Variants in SUN1 observed in about 807,000 individuals in gnomAD.
The protein encoded by SUN1 is Sad1 and UNC84 domain containing 1, also known as SUN domain-containing protein 1.
In SUN1, 61 loss-of-function variants were observed where a neutral mutation model predicts 103.2. That is an observed-to-expected ratio of 0.59 (90% CI 0.48 to 0.73). The LOEUF (loss-of-function observed/expected upper bound fraction) is 0.73. SUN1 is among the 30% of genes least tolerant of loss of function. The pLI, the probability that SUN1 is intolerant of heterozygous loss-of-function variation, is 0.00. For missense variants in SUN1, 1,052 were observed against 1,034.6 expected (o/e 1.02, Z -0.23); for synonymous variants, 490 against 425.7 (o/e 1.15, Z -1.86).
intron 11 of SUN1, 62 bp from the exon 12 acceptor site, chr7:856,296 G>A (rs376778862): frequency 2.5e-4 from 392 of 1,541,792 alleles, no homozygotes; most frequent in Non-Finnish European, 3.3e-4. Context: ...TAAGTATGTG[G>A]TTTTATGAAA....
At chr7:867,922 G>T (rs1327669135) in intron 16 of SUN1, among the ~76,000 whole-genome samples, 1 of 152,220 alleles carries the variant, frequency 6.6e-6, no homozygotes, top group Non-Finnish European at 1.5e-5. Flanking sequence ...CGGGCGTTTG[G>T]CTGCAACACC....
chr7:860,389 C>T lies in SUN1; in HGVS notation c.1779+7C>T, dbSNP rs775564962. Reference sequence around the variant, plus strand: ...GTCTGGAATAACAGAGGCGGTGAGTCGGCGAGTCGGCGGCAAGAGATGCTT... The same window carrying T: ...GTCTGGAATAACAGAGGCGGTGAGTTGGCGAGTCGGCGGCAAGAGATGCTT... On this transcript the variant is annotated splice_region_variant and intron_variant, in intron 14 of 18. Coordinates refer to ENST00000401592, the MANE Select transcript of SUN1 (RefSeq NM_001130965.3). 5.0e-6 allele frequency: 8 copies of T among 1,609,824 alleles called. No individual in the cohort carries two copies. Among genetic ancestry groups the T allele is most frequent in the Admixed American group, 3.3e-5 (2 of 59,962 alleles).
Position 856,268 on chromosome 7 carries a change from G to T in SUN1, c.1351-90G>T, listed in dbSNP as rs937961234. 1.2e-5 allele frequency: 16 copies of T among 1,373,050 alleles called. No homozygotes were observed. In the Admixed American group the frequency reaches 1.8e-4, roughly 15 times the overall value. 85.1% of individuals were successfully genotyped at this position (1,373,050 alleles called of 1,614,324 possible). On this transcript the variant is annotated intron_variant, in intron 11 of 18. Transcript: ENST00000401592. ...ACTTTGAATTAAAGGGGGTATTCCA[G>T]ATAAATCAATGGAGTTTTAAGTATG... is the stretch of plus-strand genomic sequence containing the variant.
chr7:841,334 C>T (rs1436258800), intron 2 of SUN1, among the ~76,000 whole-genome samples: 1 of 147,540 alleles, frequency 6.8e-6, no homozygotes, highest in Non-Finnish European at 1.5e-5. Flanking sequence ...ACCTCTGTCT[C>T]CCAGGTTCAC....
intron 15 of SUN1, among the ~76,000 whole-genome samples, chr7:863,910 C>A (rs1399528490): frequency 6.6e-6 from 1 of 152,050 alleles, no homozygotes; most frequent in Non-Finnish European, 1.5e-5. Context: ...TCTTAACACT[C>A]AATTTGAGAA....
At chr7:851,764 C>G in intron 6 of SUN1, 186 bp from the exon 7 acceptor site, 1 of 641,146 alleles carries the variant, frequency 1.6e-6, no homozygotes, top group Non-Finnish European at 2.7e-6. Context: ...GCATTCTGTC[C>G]TGTGTGTTCA....
In SUN1 at chr7:854,783, C is replaced by G; in HGVS notation, c.1264-137C>G. The stretch of plus-strand genomic sequence containing the variant: ...GGATATTGTTATGAAGCGGATTATT[C>G]CTTTAGGGTCCGTGCCACATTGCGA... On this transcript the variant is annotated intron_variant, in intron 10 of 18. Transcript: ENST00000401592. 3 of 605,330 alleles carry G rather than the reference C, an allele frequency of 5.0e-6. No homozygotes were observed. In the South Asian group the frequency reaches 6.5e-5, roughly 13 times the overall value. The allele number at this position is 605,330 out of a possible 1,614,324, so 37.5% of individuals were successfully genotyped here.
At chr7:849,876 T>C (rs752927235) in intron 5 of SUN1, 19 of 1,558,236 alleles carry the variant, frequency 1.2e-5, no homozygotes, top group Non-Finnish European at 1.7e-5. Flanking sequence ...ATGGACAGAG[T>C]TTGCTTGTGA....
At chr7:861,499 TG>T (rs747386267) in intron 15 of SUN1, 35 bp downstream of exon 15, 2 of 1,608,922 alleles carry the variant, frequency 1.2e-6, no homozygotes, top group African/African-American at 2.7e-5. Flanking sequence ...CTAAGTTAGA[TG>T]ATCACCTGTT....
intron 16 of SUN1, 27 bp downstream of exon 16, chr7:866,094 G>GCTC: frequency 1.9e-6 from 3 of 1,596,446 alleles, no homozygotes; most frequent in Non-Finnish European, 2.6e-6. Flanking sequence ...GGCCGGAGCT[G>GCTC]CTCCTCTTCA....
intron 1 of SUN1, among the ~76,000 whole-genome samples, chr7:818,988 C>T (rs1444031189): frequency 2.6e-5 from 4 of 151,960 alleles, no homozygotes; most frequent in African/African-American, 7.3e-5. Context: ...CTCAGCCTCC[C>T]GAATAGCTGG....
rs34925195 is a variant in SUN1 at position 843,192 on chromosome 7, GTT to G, written c.452-4_452-3del. 2.4e-4 allele frequency: 344 copies of G among 1,406,526 alleles called. No homozygotes were observed. Among genetic ancestry groups the G allele is most frequent in the African/African-American group, 1.7e-3 (117 of 69,854 alleles). 87.1% of individuals were successfully genotyped at this position (1,406,526 alleles called of 1,614,324 possible). ...ACAGCAAAAATGTGTGTGTGTGTGT[GTT>G]TTTTTTTTTAGGTCTTGATGATGAT... On this transcript the variant is annotated splice_polypyrimidine_tract_variant and intron_variant, in intron 3 of 18. Transcript: ENST00000401592.
At chr7:849,909 C>T (rs1195608603) in intron 5 of SUN1, 4 of 1,587,902 alleles carry the variant, frequency 2.5e-6, no homozygotes, top group Admixed American at 1.8e-5. Context: ...CACTGCCTGT[C>T]ACCACACCTG....
At chr7:816,695 C>T (rs1030317786) in intron 1 of SUN1, 23 of 159,836 alleles carry the variant, frequency 1.4e-4, no homozygotes, top group African/African-American at 5.1e-4. Flanking sequence ...GCGGGCCGGG[C>T]CAAGGGCACC....
chr7:872,181 C>T (rs768360249), intron 17 of SUN1, among the ~76,000 whole-genome samples: 7 of 152,212 alleles, frequency 4.6e-5, no homozygotes, highest in Admixed American at 1.3e-4. Flanking sequence ...GGCGGGGTCA[C>T]TTCTCTGCCA....
intron 17 of SUN1, 140 bp downstream of exon 17, chr7:869,656 C>A: frequency 1.9e-6 from 2 of 1,026,420 alleles, no homozygotes; most frequent in Non-Finnish European, 2.8e-6. Context: ...TTGAGGGGAA[C>A]ATTCCAGTGC....
chr7:851,854 A>T (rs1822506474), intron 6 of SUN1, 96 bp from the exon 7 acceptor site: 1 of 1,296,474 alleles, frequency 7.7e-7, no homozygotes, highest in Non-Finnish European at 1.1e-6. Flanking sequence ...CTTCATCTTC[A>T]TGTGCTTCTA....
intron 13 of SUN1, among the ~76,000 whole-genome samples, chr7:858,195 C>T (rs71538113): frequency 0.012 from 1,780 of 152,288 alleles, 15 homozygotes; most frequent in Non-Finnish European, 0.019. Context: ...GCTGGGACTA[C>T]AGGCATGTGC....
chr7:867,028 G>A (rs541474965), intron 16 of SUN1, among the ~76,000 whole-genome samples: 12 of 152,308 alleles, frequency 7.9e-5, no homozygotes, highest in South Asian at 2.1e-4. Flanking sequence ...ACGCCAAGAC[G>A]GCTTTCACTA....
Sources: gnomAD v4.1 joint callset for allele counts (sites outside exome capture counted in the v4.1 genomes callset) on GRCh38, gnomAD v4.1.1 for gene constraint, MANE v1.5 for transcripts, NCBI Gene and HGNC (gene_info 2026-07-23, HGNC 2026-07-21) for gene names.